PDLIM1: variants seen among roughly 807,000 people sequenced by gnomAD.
The protein encoded by PDLIM1 is PDZ and LIM domain 1, also known as PDZ and LIM domain protein 1.
Under a neutral mutation model 35.2 loss-of-function variants are expected in PDLIM1, and 25 were observed. The ratio of observed to expected loss-of-function variants is 0.71; its 90% confidence interval spans 0.52 to 0.99. PDLIM1 has a LOEUF of 0.99. Among genes scored for constraint, PDLIM1 ranks in the 50% least tolerant of loss-of-function variants. PDLIM1 has a pLI of 0.00. For synonymous variants in PDLIM1, 152 were observed against 154.0 expected, an observed-to-expected ratio of 0.99 and a Z score of 0.10; for missense variants, 363 against 415.3, an observed-to-expected ratio of 0.87 and a Z score of 1.09.
At chr10:95,278,070 C>T (rs2035528215) in intron 1 of PDLIM1, among the ~76,000 whole-genome samples, 1 of 152,216 alleles carries the variant, frequency 6.6e-6, no homozygotes, top group African/African-American at 2.4e-5. Flanking sequence ...CTTCATCCCT[C>T]CCCTGTTCCT....
At chr10:95,278,863 C>T (rs951126081) in intron 1 of PDLIM1, among the ~76,000 whole-genome samples, 16 of 152,258 alleles carry the variant, frequency 1.1e-4, no homozygotes, top group South Asian at 4.1e-4. Context: ...AGGGGTCACC[C>T]GTTTTGGGCC....
intron 4 of PDLIM1, among the ~76,000 whole-genome samples, chr10:95,263,584 A>C (rs4918907): frequency 0.61 from 92,301 of 152,070 alleles, 29,520 homozygotes; most frequent in Non-Finnish European, 0.7. Context: ...ACAGAAATCA[A>C]AACACAAATA....
intron 3 of PDLIM1, among the ~76,000 whole-genome samples, chr10:95,264,729 T>C (rs1449639394): frequency 6.6e-6 from 1 of 150,772 alleles, no homozygotes; most frequent in Non-Finnish European, 1.5e-5. Context: ...AAAAGGACTT[T>C]TGAGTTCCTT....
At chr10:95,242,091 A>C (rs1351891935) in intron 5 of PDLIM1, among the ~76,000 whole-genome samples, 1 of 152,164 alleles carries the variant, frequency 6.6e-6, no homozygotes, top group South Asian at 2.1e-4. Context: ...CTGGCAGCAC[A>C]TGAGATGGGG....
intron 2 of PDLIM1, among the ~76,000 whole-genome samples, chr10:95,269,258 C>G (rs997858356): frequency 1.1e-4 from 17 of 152,184 alleles, no homozygotes; most frequent in East Asian, 1.9e-4. Context: ...ATTTGTGAAG[C>G]CTGTTTGACC....
chr10:95,286,837 G>A (rs921015258), intron 1 of PDLIM1, among the ~76,000 whole-genome samples: 8 of 152,204 alleles, frequency 5.3e-5, no homozygotes, highest in African/African-American at 1.9e-4. Flanking sequence ...CAAGAGTTAA[G>A]GCATGGCCTA....
intron 4 of PDLIM1, chr10:95,247,662 T>A (rs2035234101): frequency 4.0e-6 from 1 of 248,812 alleles, no homozygotes; most frequent in Non-Finnish European, 7.6e-6. Context: ...CTTTATAAAT[T>A]CCATCAGCAG....
intron 1 of PDLIM1, among the ~76,000 whole-genome samples, chr10:95,280,119 T>C (rs1436678836): frequency 1.3e-5 from 2 of 152,238 alleles, no homozygotes; most frequent in Non-Finnish European, 2.9e-5. Flanking sequence ...CTCACACCTG[T>C]AATCCCAGCT....
chr10:95,276,916 A>C (rs1333763918), intron 1 of PDLIM1, among the ~76,000 whole-genome samples: 3 of 150,364 alleles, frequency 2.0e-5, no homozygotes, highest in East Asian at 1.9e-4. Flanking sequence ...AAAAAAAAAA[A>C]AAAAAAAACT....
rs759913487 is a variant in PDLIM1 at position 95,290,816 on chromosome 10, T to C, written c.96+4A>G. 6.4e-7 allele frequency: 1 copy of C among 1,553,962 alleles called. No homozygotes were observed. Among genetic ancestry groups the C allele is most frequent in the Admixed American group, 1.8e-5 (1 of 54,320 alleles). On this transcript the variant is annotated splice_donor_region_variant and intron_variant, in intron 1 of 6. Coordinates refer to ENST00000329399, the MANE Select transcript of PDLIM1 (RefSeq NM_020992.4). This position sits in a 1 kb window ranked among gnomAD's most constrained non-coding sequence, Gnocchi z 4.7. ...GCTTCCACGCACGTCCCAGCTGCTC[T>C]TACCCGGGAAATGGCGAGAGGCTGC...
chr10:95,260,069 C>T (rs1193823959), intron 4 of PDLIM1, among the ~76,000 whole-genome samples: 2 of 152,248 alleles, frequency 1.3e-5, no homozygotes, highest in Non-Finnish European at 2.9e-5. Context: ...TGGAGTTCCT[C>T]ATGGAAACTA....
intron 3 of PDLIM1, among the ~76,000 whole-genome samples, chr10:95,267,020 G>C (rs575955709): frequency 6.6e-6 from 1 of 152,302 alleles, no homozygotes; most frequent in South Asian, 2.1e-4. Flanking sequence ...GATGAACTCT[G>C]CTCTTACTCA....
At chr10:95,262,076 G>A (rs1330876235) in intron 4 of PDLIM1, among the ~76,000 whole-genome samples, 1 of 152,064 alleles carries the variant, frequency 6.6e-6, no homozygotes, top group Non-Finnish European at 1.5e-5. Context: ...GAACAGGGAT[G>A]CACATGTCAT....
chr10:95,271,230 A>G (rs890608075), intron 2 of PDLIM1, among the ~76,000 whole-genome samples: 1 of 151,240 alleles, frequency 6.6e-6, no homozygotes, highest in Non-Finnish European at 1.5e-5. Context: ...TGAGGTCAGG[A>G]GTTCGAGGCC....
chr10:95,289,686 C>A (rs2035635092), intron 1 of PDLIM1, among the ~76,000 whole-genome samples: 1 of 152,232 alleles, frequency 6.6e-6, no homozygotes, highest in Non-Finnish European at 1.5e-5. Flanking sequence ...CTTCTCCACC[C>A]TTCCCCCAAC....
intron 4 of PDLIM1, among the ~76,000 whole-genome samples, chr10:95,257,078 T>A (rs1214456530): frequency 7.1e-6 from 1 of 141,438 alleles, no homozygotes; most frequent in Non-Finnish European, 1.6e-5. Context: ...GACCAGAAAC[T>A]ATAAATATAA....
chr10:95,251,571 GGTCATT>G (rs2035268391), intron 4 of PDLIM1, among the ~76,000 whole-genome samples: 1 of 152,064 alleles, frequency 6.6e-6, no homozygotes, highest in Non-Finnish European at 1.5e-5. Flanking sequence ...ACCTTAGTAG[GGTCATT>G]TTCTCACACA....
chr10:95,268,306 C>T (rs2035432155), intron 3 of PDLIM1, among the ~76,000 whole-genome samples: 1 of 152,118 alleles, frequency 6.6e-6, no homozygotes, highest in Non-Finnish European at 1.5e-5. Flanking sequence ...TAGAGATTTC[C>T]ACTCCATGGC....
chr10:95,258,941 A>T (rs908217479), intron 4 of PDLIM1, among the ~76,000 whole-genome samples: 1 of 152,216 alleles, frequency 6.6e-6, no homozygotes, highest in African/African-American at 2.4e-5. Context: ...TAGAAAAGCT[A>T]ATCCCAGGTT....
Sources: gnomAD v4.1 joint callset for allele counts (sites outside exome capture counted in the v4.1 genomes callset) on GRCh38, gnomAD v4.1.1 for gene constraint, Gnocchi (gnomAD v3.1) non-coding constraint, MANE v1.5 for transcripts, NCBI Gene and HGNC (gene_info 2026-07-23, HGNC 2026-07-21) for gene names.